ADCY1: variants seen among roughly 807,000 people sequenced by gnomAD.
ADCY1 encodes adenylate cyclase 1.
A neutral mutation model predicts 105.4 loss-of-function variants in ADCY1; 28 were observed. The observed-to-expected ratio is 0.27, with a 90% CI of 0.20 to 0.36. ADCY1 has a LOEUF of 0.36. Ranked by LOEUF, ADCY1 falls within the 10% of genes least tolerant of loss-of-function variation. The pLI, the probability that ADCY1 is intolerant of heterozygous loss-of-function variation, is 1.00. For synonymous variants in ADCY1, 655 were observed against 623.8 expected (o/e 1.05, Z -0.75); for missense variants, 977 against 1,434.2 (o/e 0.68, Z 5.15).
chr7:45,667,726 G>A (rs1164359473), intron 8 of ADCY1, among the ~76,000 whole-genome samples: 1 of 152,184 alleles, frequency 6.6e-6, no homozygotes, highest in African/African-American at 2.4e-5. Flanking sequence ...TGGGCAGTAT[G>A]GCCATTTTCA....
intron 3 of ADCY1, among the ~76,000 whole-genome samples, chr7:45,616,430 C>A (rs1487085246): frequency 6.6e-6 from 1 of 152,186 alleles, no homozygotes. Context: ...AAGATACTAT[C>A]AAATGCATCC....
intron 4 of ADCY1, 103 bp from the exon 5 acceptor site, chr7:45,648,567 C>T (rs1794727464): frequency 6.6e-7 from 1 of 1,507,406 alleles, no homozygotes; most frequent in African/African-American, 1.4e-5. Flanking sequence ...CATGTCTTGC[C>T]AGCGCTCTGT....
At chr7:45,594,196 G>A (rs921656191) in intron 2 of ADCY1, among the ~76,000 whole-genome samples, 1 of 152,092 alleles carries the variant, frequency 6.6e-6, no homozygotes. Context: ...TGATATGCAG[G>A]GATATGTGTA....
chr7:45,662,477 A>T (rs1331964686), intron 8 of ADCY1, among the ~76,000 whole-genome samples: 1 of 152,154 alleles, frequency 6.6e-6, no homozygotes, highest in Non-Finnish European at 1.5e-5. Context: ...TCAAGCTAAA[A>T]TTCCCCACCT....
chr7:45,648,591 T>C, intron 4 of ADCY1, 79 bp from the exon 5 acceptor site: 1 of 1,580,980 alleles, frequency 6.3e-7, no homozygotes, highest in Non-Finnish European at 8.6e-7. Flanking sequence ...CACCAGTGTC[T>C]AGAGGTGGTG....
At chr7:45,603,502 A>G (rs954083676) in intron 2 of ADCY1, among the ~76,000 whole-genome samples, 2 of 152,158 alleles carry the variant, frequency 1.3e-5, no homozygotes, top group East Asian at 1.9e-4. Flanking sequence ...ATTTTGAACT[A>G]CTTGTAGATT....
At chr7:45,622,833 G>T in intron 4 of ADCY1, 90 bp downstream of exon 4, 1 of 964,160 alleles carries the variant, frequency 1.0e-6, no homozygotes, top group Non-Finnish European at 1.6e-6. Context: ...TTTGGACCAT[G>T]AACTAGACTG....
chr7:45,613,709 C>T (rs1793654284), intron 3 of ADCY1, among the ~76,000 whole-genome samples: 1 of 152,024 alleles, frequency 6.6e-6, no homozygotes, highest in Non-Finnish European at 1.5e-5. Flanking sequence ...AAAATTCACA[C>T]CTAGATACAT....
intron 4 of ADCY1, among the ~76,000 whole-genome samples, chr7:45,641,056 A>G (rs1050721649): frequency 4.6e-5 from 7 of 151,908 alleles, no homozygotes; most frequent in African/African-American, 1.5e-4. Flanking sequence ...TTTTGTGTTT[A>G]CTCTGGATAT....
At position 45,717,843 on chromosome 7, in the gene ADCY1, C is replaced by T. The variant is rs1785387225; in HGVS notation, c.*3848C>T. The T allele has an allele frequency of 6.6e-6, 1 of 152,618 alleles. No individual in the cohort carries two copies. The highest frequency in any genetic ancestry group is 6.5e-5 in the Admixed American group (1 of 15,286). The allele number at this position is 152,618 out of a possible 1,614,324, so 9.5% of individuals were successfully genotyped here. On this transcript the variant is annotated 3_prime_UTR_variant, in exon 20 of 20. Transcript: ENST00000297323. ...GCCCGTGTTTCTCAGACTTTAAAGC[C>T]ACCAGGGCTTCTGGAACACCTGTCA...
At chr7:45,712,393 C>T (rs1015066486) in intron 19 of ADCY1, among the ~76,000 whole-genome samples, 8 of 151,700 alleles carry the variant, frequency 5.3e-5, no homozygotes, top group African/African-American at 1.7e-4. Context: ...TGCCCCAAAC[C>T]AACATTGCAT....
In ADCY1 at chr7:45,704,997, C is replaced by T. The variant is rs527292083; in HGVS notation, c.2817+381C>T. Among the ~76,000 whole-genome samples, 24 of 151,726 alleles carry T rather than the reference C, an allele frequency of 1.6e-4. No homozygotes were observed. The South Asian group carries it at 4.8e-3, about 31-fold the overall frequency. ...CTCCTCCCATCAGCCTTGCACTCTC[C>T]TTTTCCACAGTAGAACTATGAATAA... On this transcript the variant is annotated intron_variant, in intron 17 of 19. Transcript: ENST00000297323.
intron 2 of ADCY1, among the ~76,000 whole-genome samples, chr7:45,604,950 A>T (rs1332211511): frequency 6.6e-6 from 1 of 152,190 alleles, no homozygotes. Context: ...CTTCCAATCC[A>T]TGAACATGGT....
intron 7 of ADCY1, among the ~76,000 whole-genome samples, chr7:45,661,172 A>G (rs909979975): frequency 2.0e-5 from 3 of 152,148 alleles, no homozygotes; most frequent in African/African-American, 7.2e-5. Context: ...GACATAGACA[A>G]TAGTATCCAG....
At chr7:45,592,413 G>A (rs1395064495) in intron 1 of ADCY1, among the ~76,000 whole-genome samples, 1 of 152,108 alleles carries the variant, frequency 6.6e-6, no homozygotes, top group Non-Finnish European at 1.5e-5. Flanking sequence ...TGCCCACCCC[G>A]ATGGCCTCAT....
chr7:45,667,737 T>C (rs998880462), intron 8 of ADCY1, among the ~76,000 whole-genome samples: 17 of 152,352 alleles, frequency 1.1e-4, no homozygotes, highest in Middle Eastern at 3.4e-3. Context: ...GCCATTTTCA[T>C]GATATTAATT....
chr7:45,652,274 G>A (rs112243577), intron 5 of ADCY1, among the ~76,000 whole-genome samples: 4,156 of 152,294 alleles, frequency 0.027, 70 homozygotes, highest in African/African-American at 0.045. Flanking sequence ...GGGTGGGGAC[G>A]TAGAGCCAAA....
chr7:45,699,351 G>A (rs1178674731), intron 14 of ADCY1, among the ~76,000 whole-genome samples: 1 of 152,286 alleles, frequency 6.6e-6, no homozygotes, highest in African/African-American at 2.4e-5. Context: ...GCGGCTTGAG[G>A]GTTTGAGGTT....
chr7:45,586,897 T>C (rs769972962), intron 1 of ADCY1, among the ~76,000 whole-genome samples: 1 of 152,214 alleles, frequency 6.6e-6, no homozygotes, highest in Non-Finnish European at 1.5e-5. Flanking sequence ...TTGGTTCATA[T>C]GAGAAAGCAC....
Sources: allele counts gnomAD v4.1 joint callset (sites outside exome capture counted in the v4.1 genomes callset), GRCh38; gene constraint gnomAD v4.1.1; transcripts MANE v1.5; gene names NCBI Gene and HGNC (gene_info 2026-07-23, HGNC 2026-07-21).